The following CD276 variants were observed in gnomAD, a reference collection of about 807,000 sequenced individuals.
CD276 encodes the protein CD276 molecule, also known as CD276 antigen.
CD276 carries 34 observed loss-of-function variants against 50.0 expected under a neutral mutation model. The ratio of observed to expected loss-of-function variants is 0.68; its 90% CI spans 0.52 to 0.91. The LOEUF (loss-of-function observed/expected upper bound fraction) is 0.91. CD276 is among the 40% of genes least tolerant of loss of function. The probability of loss-of-function intolerance (pLI) is 0.00; values close to 1 mark genes in which losing one functional copy is unlikely to be tolerated. For synonymous variants in CD276, 275 were observed against 313.0 expected, an observed-to-expected ratio of 0.88 and a Z score of 1.28; for missense variants, 634 against 717.5, an observed-to-expected ratio of 0.88 and a Z score of 1.33.
intron 1 of CD276, among the ~76,000 whole-genome samples, chr15:73,695,339 C>T (rs770608607): frequency 2.6e-5 from 4 of 152,094 alleles, no homozygotes; most frequent in East Asian, 1.9e-4. Flanking sequence ...GTCAGGAGGA[C>T]GGGTCTCTGG....
intron 1 of CD276, among the ~76,000 whole-genome samples, chr15:73,688,533 G>A (rs1231099817): frequency 6.6e-6 from 1 of 152,198 alleles, no homozygotes; most frequent in East Asian, 1.9e-4. Context: ...AGCTCATGCT[G>A]TACCCTGGGC....
chr15:73,688,524 G>T (rs1899854970), intron 1 of CD276, among the ~76,000 whole-genome samples: 1 of 152,214 alleles, frequency 6.6e-6, no homozygotes, highest in Non-Finnish European at 1.5e-5. Context: ...TGGCTTCTGA[G>T]CTCATGCTGT....
Position 73,699,654 on chromosome 15 carries a change from G to A in CD276, c.15G>A (p.Arg5=), listed in dbSNP as rs751884205. 1.6e-5 allele frequency: 26 copies of A among 1,613,604 alleles called. No individual in the cohort carries two copies. The highest frequency in any genetic ancestry group is 2.1e-5 in the Non-Finnish European group (25 of 1,179,814). The change falls in exon 2 of 10, where the codon CGG becomes CGA. Residue 5 remains arginine, a synonymous_variant. Transcript: ENST00000318443. Reference sequence around the variant, plus strand: ...CTCACAGGAAGATGCTGCGTCGGCGGGGCAGCCCTGGCATGGGTGTGCATG... The same window carrying A: ...CTCACAGGAAGATGCTGCGTCGGCGAGGCAGCCCTGGCATGGGTGTGCATG... The part of the protein sequence containing the change: MLRR[R]GSPGMGVHVG...
Position 73,708,380 on chromosome 15 carries a change from G to A in CD276, c.1411G>A (p.Val471Met), listed in dbSNP as rs150498569. Residue 471 changes from valine to methionine, a missense_variant, in exon 7 of 10, where the codon GTG becomes ATG. Coordinates refer to ENST00000318443, the MANE Select transcript of CD276 (RefSeq NM_001024736.2). ...TFPPEALWVT[V>M]GLSVCLIALL... ...CCCCCCAGAGGCCCTGTGGGTGACC[G>A]TGGGGCTGTCTGTCTGTCTCATTGC... 1.2e-5 allele frequency: 19 copies of A among 1,614,180 alleles called. No individual in the cohort carries two copies. Among genetic ancestry groups the A allele is most frequent in the Admixed American group, 8.3e-5 (5 of 60,030 alleles).
In CD276 at chr15:73,704,368, T is replaced by A. The variant is rs1900559991; in HGVS notation, c.1265T>A (p.Val422Glu). ...QMANEQGLFD[V>E]HSVLRVVLGA... is the part of the protein sequence containing the mutation. ...GCCAACGAGCAGGGCTTGTTTGATGTGCACAGCGTCCTGCGGGTGGTGCTG... is the reference window on the plus strand; with the variant it reads ...GCCAACGAGCAGGGCTTGTTTGATGAGCACAGCGTCCTGCGGGTGGTGCTG... The change falls in exon 6 of 10, where the codon GTG (valine) becomes GAG (glutamate). Residue 422 changes from valine to glutamate, a missense_variant. By Grantham distance (121) the Val-to-Glu change is moderately radical (BLOSUM62 -2). Transcript: ENST00000318443. The surrounding 1 kb of genome is among the most constrained non-coding windows in gnomAD (Gnocchi z 4.1). 1 of 1,614,126 alleles carries A rather than the reference T, an allele frequency of 6.2e-7. No homozygotes were observed. Among genetic ancestry groups the A allele is most frequent in the Non-Finnish European group, 8.5e-7 (1 of 1,180,056 alleles).
rs762056185 is a variant in CD276 at position 73,703,923 on chromosome 15, C to T, written c.998C>T (p.Ala333Val). ...CTGAGGCTGCAGCGCGTGCGTGTGGCGGACGAGGGCAGCTTCACCTGCTTC... is the reference window on the plus strand; with the variant it reads ...CTGAGGCTGCAGCGCGTGCGTGTGGTGGACGAGGGCAGCTTCACCTGCTTC... ...ASLRLQRVRV[A>V]DEGSFTCFVS... The change falls in exon 5 of 10, where the codon GCG becomes GTG. Residue 333 changes from alanine to valine, a missense_variant. Coordinates refer to ENST00000318443, the MANE Select transcript of CD276 (RefSeq NM_001024736.2). 1.9e-6 allele frequency: 3 copies of T among 1,613,280 alleles called. No homozygotes were observed. The highest frequency in any genetic ancestry group is 2.5e-6 in the Non-Finnish European group (3 of 1,179,980).
intron 8 of CD276, 141 bp downstream of exon 8, chr15:73,709,830 C>T (rs1380903370): frequency 1.3e-5 from 10 of 750,160 alleles, no homozygotes; most frequent in East Asian, 2.9e-5. Context: ...CTCCCCACCC[C>T]GGTGAGTCTG....
In CD276 at chr15:73,707,338, G is replaced by A. The variant is rs1900688295; in HGVS notation, c.1370-1001G>A. On this transcript the variant is annotated intron_variant, in intron 6 of 9. Transcript: ENST00000318443. ...GCTGGGTGCAGGGGCTGGGCTAGAG[G>A]ATGGTATGTAAGATGGAGTCACACA... Among the ~76,000 whole-genome samples, 3 of 152,242 alleles carry A rather than the reference G, an allele frequency of 2.0e-5. 1 individual carries two copies. The South Asian group carries it at 6.2e-4, about 32-fold the overall frequency.
rs376309638 is a variant in CD276 at position 73,711,127 on chromosome 15, T to A, written c.1547-8T>A. 2.9e-5 allele frequency: 46 copies of A among 1,613,906 alleles called. No individual in the cohort carries two copies. The highest frequency in any genetic ancestry group is 3.7e-5 in the Non-Finnish European group (44 of 1,180,012). On this transcript the variant is annotated splice_polypyrimidine_tract_variant and splice_region_variant and intron_variant, in intron 8 of 9. Transcript: ENST00000318443. ...TCCCTCACCGTGTGCGCCTTCCTTT[T>A]TTTACAGCCCTGCAGCCTCTGAAAC...
chr15:73,685,620 C>G (rs1471017837), intron 1 of CD276, among the ~76,000 whole-genome samples: 1 of 152,018 alleles, frequency 6.6e-6, no homozygotes, highest in Non-Finnish European at 1.5e-5. Flanking sequence ...ATAAGCATGT[C>G]TTCAGCAGTT....
At chr15:73,699,843 C>T (rs750314608) in intron 2 of CD276, 125 bp downstream of exon 2, 73 of 1,146,788 alleles carry the variant, frequency 6.4e-5, no homozygotes, top group Non-Finnish European at 8.1e-5. Context: ...ACCTTACTTC[C>T]ACCTGTGGGA....
At chr15:73,697,348 G>A (rs1900216858) in intron 1 of CD276, among the ~76,000 whole-genome samples, 1 of 151,826 alleles carries the variant, frequency 6.6e-6, no homozygotes, top group East Asian at 1.9e-4. Context: ...CCAGCTGCTG[G>A]GGGTGTGTGT....
chr15:73,703,744 G>A lies in CD276; in HGVS notation c.819G>A (p.Glu273=). Residue 273 remains glutamate, a synonymous_variant, in exon 5 of 10, where the codon GAG becomes GAA. Coordinates refer to ENST00000318443, the MANE Select transcript of CD276 (RefSeq NM_001024736.2). ...CCCTGCGCTGCTCCTTCTCCCCCGAGCCTGGCTTCAGCCTGGCACAGCTCA... is the reference window on the plus strand; with the variant it reads ...CCCTGCGCTGCTCCTTCTCCCCCGAACCTGGCTTCAGCCTGGCACAGCTCA... ...DATLRCSFSP[E]PGFSLAQLNL... is the part of the protein sequence containing the mutation. 1.2e-6 allele frequency: 2 copies of A among 1,613,550 alleles called. No homozygotes were observed. Among genetic ancestry groups the A allele is most frequent in the Non-Finnish European group, 8.5e-7 (1 of 1,180,008 alleles).
rs1172364351 is a variant in CD276, at chr15:73,687,757, ATGCCAT to A, written c.-55+3300_-55+3305del. Among the ~76,000 whole-genome samples, 1 of 152,032 alleles carries A rather than the reference ATGCCAT, an allele frequency of 6.6e-6. No individual in the cohort carries two copies. The highest frequency in any genetic ancestry group is 1.5e-5 in the Non-Finnish European group (1 of 68,000). On this transcript the variant is annotated intron_variant, in intron 1 of 9. Transcript: ENST00000318443. This position sits in a 1 kb window ranked among gnomAD's most constrained non-coding sequence, Gnocchi z 4.0. ...AATGAATGCCTGCTCCACACACCTT[ATGCCAT>A]TGGGAATCTGACCTTCTCTAGGCAT...
At chr15:73,712,838 C>G in intron 9 of CD276, 96 bp from the exon 10 acceptor site, 1 of 1,289,116 alleles carries the variant, frequency 7.8e-7, no homozygotes, top group South Asian at 1.3e-5. Context: ...TGAAGTCTGA[C>G]CAGGTGCTTG....
chr15:73,702,772 C>T lies in CD276; in HGVS notation c.419C>T (p.Ala140Val). The T allele has an allele frequency of 1.2e-6, 2 of 1,610,042 alleles. No homozygotes were observed. Among genetic ancestry groups the T allele is most frequent in the South Asian group, 1.1e-5 (1 of 90,392 alleles). The change falls in exon 4 of 10, where the codon GCT (alanine) becomes GTT (valine). Residue 140 changes from alanine (A) to valine (V), a missense_variant and splice_region_variant. Ala to Val is a moderately conservative substitution (Grantham distance 64, BLOSUM62 0). Coordinates refer to ENST00000318443, the MANE Select transcript of CD276 (RefSeq NM_001024736.2). ...GSAAVSLQVA[A>V]PYSKPSMTLE... ...GACCCCTGCCCTCTGTCACCTCCAGCTCCCTACTCGAAGCCCAGCATGACC... is the reference window on the plus strand; with the variant it reads ...GACCCCTGCCCTCTGTCACCTCCAGTTCCCTACTCGAAGCCCAGCATGACC...
At chr15:73,712,745 C>A (rs1900957197) in intron 9 of CD276, among the ~76,000 whole-genome samples, 189 bp from the exon 10 acceptor site, 1 of 152,208 alleles carries the variant, frequency 6.6e-6, no homozygotes, top group Non-Finnish European at 1.5e-5. Context: ...GTGCCTGGCA[C>A]CTGCATCTGT....
intron 6 of CD276, among the ~76,000 whole-genome samples, chr15:73,707,159 T>G (rs887142719): frequency 6.6e-6 from 1 of 152,266 alleles, no homozygotes; most frequent in African/African-American, 2.4e-5. Flanking sequence ...CTGGGGTCTC[T>G]GCCGCCAAAG....
chr15:73,702,321 G>A lies in CD276; in HGVS notation c.146G>A (p.Cys49Tyr), dbSNP rs556248715. 3 of 1,613,462 alleles carry A rather than the reference G, an allele frequency of 1.9e-6. No homozygotes were observed. Among genetic ancestry groups the A allele is most frequent in the African/African-American group, 2.7e-5 (2 of 75,060 alleles). ...CTGGTGGGCACCGATGCCACCCTGTGCTGCTCCTTCTCCCCTGAGCCTGGC... is the reference window on the plus strand; with the variant it reads ...CTGGTGGGCACCGATGCCACCCTGTACTGCTCCTTCTCCCCTGAGCCTGGC... ...VALVGTDATL[C>Y]CSFSPEPGFS... is the part of the protein sequence containing the mutation. The change falls in exon 3 of 10, where the codon TGC (cysteine) becomes TAC (tyrosine). Residue 49 changes from cysteine to tyrosine, a missense_variant. Cys to Tyr is a radical substitution (Grantham distance 194). Transcript: ENST00000318443.
Sources: gnomAD v4.1 joint callset for allele counts (sites outside exome capture counted in the v4.1 genomes callset) on GRCh38, gnomAD v4.1.1 for gene constraint, Gnocchi (gnomAD v3.1) non-coding constraint, MANE v1.5 for transcripts, NCBI Gene and HGNC (gene_info 2026-07-23, HGNC 2026-07-21) for gene names.